The following GAL3ST2 variants were observed in gnomAD, a reference collection of about 807,000 sequenced individuals.
The protein encoded by GAL3ST2 is beta-galactose-3-O-sulfotransferase 2.
GAL3ST2 carries 16 observed loss-of-function variants against 12.9 expected under a neutral mutation model. The ratio of observed to expected loss-of-function variants is 1.24; its 90% CI spans 0.84 to 1.88. The LOEUF (loss-of-function observed/expected upper bound fraction) is 1.88, where lower values mean the gene tolerates loss of function less well. Ranked by LOEUF, GAL3ST2 falls within the 40% of genes most tolerant of loss-of-function variation. GAL3ST2 has a pLI of 0.00. For missense variants in GAL3ST2, 639 were observed against 571.8 expected, an observed-to-expected ratio of 1.12 and a Z score of -1.20; for synonymous variants, 302 against 273.9, an observed-to-expected ratio of 1.10 and a Z score of -1.01.
At position 241,802,145 on chromosome 2, in the gene GAL3ST2, G is replaced by A. The variant is rs906037491; in HGVS notation, c.375+109G>A. On this transcript the variant is annotated intron_variant, in intron 3 of 3. Transcript: ENST00000192314. This position sits in a 1 kb window ranked among gnomAD's most constrained non-coding sequence, Gnocchi z 4.8. ...GAGAAGGAGTGTAAGGCTTGGGGGC[G>A]GGGCGTGCAGAAGGCGGGTTGGGAG... The A allele has an allele frequency of 7.4e-6, 10 of 1,359,376 alleles. No homozygotes were observed. The South Asian group carries it at 1.4e-4, about 19-fold the overall frequency. 84.2% of individuals were successfully genotyped at this position (1,359,376 alleles called of 1,614,324 possible).
At position 241,801,937 on chromosome 2, in the gene GAL3ST2, G is replaced by T; in HGVS notation, c.276G>T (p.Leu92=). 6.2e-7 allele frequency: 1 copy of T among 1,613,010 alleles called. No homozygotes were observed. Among genetic ancestry groups the T allele is most frequent in the Non-Finnish European group, 8.5e-7 (1 of 1,179,942 alleles). Residue 92 remains leucine (L), a synonymous_variant, in exon 3 of 4, where the codon CTG becomes CTT. Transcript: ENST00000192314. The surrounding 1 kb of genome is among the most constrained non-coding windows in gnomAD (Gnocchi z 4.4). The stretch of plus-strand genomic sequence containing the variant: ...TGCCCGCCGGCTCACGCGTCCACCT[G>T]GGCTACCCCTGGCTCTTCCTGGCGC... ...VALPAGSRVH[L]GYPWLFLARY...
intron 1 of GAL3ST2, among the ~76,000 whole-genome samples, chr2:241,796,936 G>A (rs1460505177): frequency 1.3e-5 from 2 of 152,174 alleles, no homozygotes; most frequent in African/African-American, 4.8e-5. Flanking sequence ...AGGGGACTGC[G>A]GGGGGCTTGA....
Position 241,803,662 on chromosome 2 carries a change from C to G in GAL3ST2, c.693C>G (p.Asp231Glu). 1 of 1,549,382 alleles carries G rather than the reference C, an allele frequency of 6.5e-7. No individual in the cohort carries two copies. The highest frequency in any genetic ancestry group is 8.7e-7 in the Non-Finnish European group (1 of 1,146,194). The change falls in exon 4 of 4, where the codon GAC becomes GAG. Residue 231 changes from aspartate (D) to glutamate (E), a missense_variant. Asp to Glu is a conservative substitution (Grantham distance 45). Coordinates refer to ENST00000192314, the MANE Select transcript of GAL3ST2 (RefSeq NM_022134.3). ...TGGTGCTCATCGCCGAGCACCTGGACGAGTCCCTGGTGCTGCTGCGGCGCC... is the reference window on the plus strand; with the variant it reads ...TGGTGCTCATCGCCGAGCACCTGGAGGAGTCCCTGGTGCTGCTGCGGCGCC... ...FRLVLIAEHL[D>E]ESLVLLRRRL...
rs1699769253 is a variant in GAL3ST2 at position 241,796,115 on chromosome 2, G to T, written c.30-2950G>T. ...CAGTGTCTTCGAGACCCACACCCTTGGTGTGGAAGAAAGGAGACAAGATGT... is the reference window on the plus strand; with the variant it reads ...CAGTGTCTTCGAGACCCACACCCTTTGTGTGGAAGAAAGGAGACAAGATGT... On this transcript the variant is annotated intron_variant, in intron 1 of 3. Coordinates refer to ENST00000192314, the MANE Select transcript of GAL3ST2 (RefSeq NM_022134.3). 2.0e-5 allele frequency among the ~76,000 whole-genome samples: 3 copies of T among 152,304 alleles called. No individual in the cohort carries two copies. The South Asian group carries it at 6.2e-4, about 32-fold the overall frequency.
intron 1 of GAL3ST2, among the ~76,000 whole-genome samples, chr2:241,784,328 C>T (rs571067070): frequency 3.6e-4 from 55 of 152,218 alleles, no homozygotes; most frequent in Admixed American, 1.8e-3. Flanking sequence ...CCACCATGCC[C>T]GGCCTAAAGT....
chr2:241,783,094 T>C (rs1264577433), intron 1 of GAL3ST2, among the ~76,000 whole-genome samples: 1 of 151,638 alleles, frequency 6.6e-6, no homozygotes, highest in African/African-American at 2.4e-5. Context: ...GCCGAGATTG[T>C]GCCACTGCAC....
chr2:241,798,516 A>G (rs1305202736), intron 1 of GAL3ST2, among the ~76,000 whole-genome samples: 2 of 152,100 alleles, frequency 1.3e-5, no homozygotes, highest in Non-Finnish European at 2.9e-5. Flanking sequence ...GAAGGACACG[A>G]ATCCCATTAC....
rs1699726969 is a variant in GAL3ST2 at position 241,793,520 on chromosome 2, G to A, written c.30-5545G>A. ...TGTGTATGTGTGTGTATATGTATGT[G>A]TGTATTGTGTTTATATGTATGTGTG... On this transcript the variant is annotated intron_variant, in intron 1 of 3. Coordinates refer to ENST00000192314, the MANE Select transcript of GAL3ST2 (RefSeq NM_022134.3). This position sits in a 1 kb window ranked among gnomAD's most constrained non-coding sequence, Gnocchi z 4.7. 6.8e-6 allele frequency among the ~76,000 whole-genome samples: 1 copy of A among 146,644 alleles called. No individual in the cohort carries two copies. Among genetic ancestry groups the A allele is most frequent in the Non-Finnish European group, 1.5e-5 (1 of 67,678 alleles).
At chr2:241,794,142 C>T (rs1699741001) in intron 1 of GAL3ST2, among the ~76,000 whole-genome samples, 1 of 151,974 alleles carries the variant, frequency 6.6e-6, no homozygotes. Context: ...AGATGGGGGT[C>T]TCACTATACC....
rs1377724290 is a variant in GAL3ST2, at chr2:241,795,219, A to G, written c.30-3846A>G. ...CCCCTTCCCGGTTGCTCCAACACTG[A>G]CCACCCTACCTGACCCCTGCAGGTG... On this transcript the variant is annotated intron_variant, in intron 1 of 3. Coordinates refer to ENST00000192314, the MANE Select transcript of GAL3ST2 (RefSeq NM_022134.3). The surrounding 1 kb of genome is among the most constrained non-coding windows in gnomAD (Gnocchi z 4.5). 6.6e-6 allele frequency among the ~76,000 whole-genome samples: 1 copy of G among 152,096 alleles called. No homozygotes were observed. Among genetic ancestry groups the G allele is most frequent in the African/African-American group, 2.4e-5 (1 of 41,434 alleles).
At chr2:241,792,120 T>G (rs1398604594) in intron 1 of GAL3ST2, among the ~76,000 whole-genome samples, 1 of 151,488 alleles carries the variant, frequency 6.6e-6, no homozygotes, top group African/African-American at 2.4e-5. Context: ...TTCAAGCAAT[T>G]CTCCTCCCTC....
intron 1 of GAL3ST2, among the ~76,000 whole-genome samples, chr2:241,778,592 C>T (rs1009103889): frequency 3.3e-5 from 5 of 152,024 alleles, no homozygotes; most frequent in African/African-American, 9.7e-5. Context: ...GTCACCATGC[C>T]GGTGTGAACC....
Position 241,803,687 on chromosome 2 carries a change from C to G in GAL3ST2, c.718C>G (p.Arg240Gly). 1 of 1,546,354 alleles carries G rather than the reference C, an allele frequency of 6.5e-7. No individual in the cohort carries two copies. The highest frequency in any genetic ancestry group is 8.7e-7 in the Non-Finnish European group (1 of 1,144,852). ...LDESLVLLRR[R>G]LRWALDDVVA... Reference sequence around the variant, plus strand: ...CGAGTCCCTGGTGCTGCTGCGGCGCCGGCTGCGCTGGGCGCTGGACGACGT... The same window carrying G: ...CGAGTCCCTGGTGCTGCTGCGGCGCGGGCTGCGCTGGGCGCTGGACGACGT... Residue 240 changes from arginine (R) to glycine (G), a missense_variant, in exon 4 of 4, where the codon CGG becomes GGG. Physicochemically the swap from Arg to Gly is moderately radical, Grantham distance 125. Coordinates refer to ENST00000192314, the MANE Select transcript of GAL3ST2 (RefSeq NM_022134.3).
Position 241,801,726 on chromosome 2 carries a change from C to T in GAL3ST2, c.120-55C>T, listed in dbSNP as rs1289995614. The stretch of plus-strand genomic sequence containing the variant: ...TGCCGGGCTGGGGGTCGCTGTTGGG[C>T]GGGGGTTGGGGCATCTGCACCCTTG... On this transcript the variant is annotated intron_variant, in intron 2 of 3. Coordinates refer to ENST00000192314, the MANE Select transcript of GAL3ST2 (RefSeq NM_022134.3). The surrounding 1 kb of genome is among the most constrained non-coding windows in gnomAD (Gnocchi z 4.4). 131 of 1,545,020 alleles carry T rather than the reference C, an allele frequency of 8.5e-5. No homozygotes were observed. Among genetic ancestry groups the T allele is most frequent in the Non-Finnish European group, 1.0e-4 (121 of 1,152,664 alleles).
At chr2:241,797,336 A>G (rs1221059843) in intron 1 of GAL3ST2, among the ~76,000 whole-genome samples, 1 of 152,180 alleles carries the variant, frequency 6.6e-6, no homozygotes, top group African/African-American at 2.4e-5. Context: ...CAGATCTGGG[A>G]GAGCCGATGT....
In GAL3ST2 at chr2:241,801,918, C is replaced by T. The variant is rs1699855523; in HGVS notation, c.257C>T (p.Ala86Val). 6.2e-7 allele frequency: 1 copy of T among 1,612,878 alleles called. No homozygotes were observed. Among genetic ancestry groups the T allele is most frequent in the Non-Finnish European group, 8.5e-7 (1 of 1,179,956 alleles). Reference protein sequence around the residue: ...ETHNLSVALPAGSRVHLGYPW... With the variant: ...ETHNLSVALPVGSRVHLGYPW... ...CACAACCTGTCCGTGGCGCTGCCCG[C>T]CGGCTCACGCGTCCACCTGGGCTAC... Residue 86 changes from alanine to valine, a missense_variant, in exon 3 of 4, where the codon GCC becomes GTC. Transcript: ENST00000192314. This position sits in a 1 kb window ranked among gnomAD's most constrained non-coding sequence, Gnocchi z 4.4.
chr2:241,804,011 G>T lies in GAL3ST2; in HGVS notation c.1042G>T (p.Asp348Tyr). 1 of 1,566,844 alleles carries T rather than the reference G, an allele frequency of 6.4e-7. No individual in the cohort carries two copies. ...GCGCCCCTACCAGTCCGGCAAGGCC[G>T]ACATCCTGGGTTACAACCTCCGGCC... The part of the protein sequence containing the change: ...RLRPYQSGKA[D>Y]ILGYNLRPGL... Residue 348 changes from aspartate to tyrosine, a missense_variant, in exon 4 of 4, where the codon GAC becomes TAC. By Grantham distance (160) the Asp-to-Tyr change is radical (BLOSUM62 -3). Transcript: ENST00000192314.
rs915636637 is a variant in GAL3ST2 at position 241,802,330 on chromosome 2, G to A, written c.375+294G>A. On this transcript the variant is annotated intron_variant, in intron 3 of 3. Transcript: ENST00000192314. The surrounding 1 kb of genome is among the most constrained non-coding windows in gnomAD (Gnocchi z 4.8). ...TGGCCTCCTAGTTGTGCACAGGCCC[G>A]GCTCTCCCCACCCTGTGACCTTCGC... is the stretch of plus-strand genomic sequence containing the variant. Among the ~76,000 whole-genome samples, 1 of 152,178 alleles carries A rather than the reference G, an allele frequency of 6.6e-6. No individual in the cohort carries two copies. The highest frequency in any genetic ancestry group is 2.4e-5 in the African/African-American group (1 of 41,458).
chr2:241,804,012 A>G lies in GAL3ST2; in HGVS notation c.1043A>G (p.Asp348Gly). The change falls in exon 4 of 4, where the codon GAC (aspartate) becomes GGC (glycine). Residue 348 changes from aspartate (D) to glycine (G), a missense_variant. By Grantham distance (94) the Asp-to-Gly change is moderately conservative. Coordinates refer to ENST00000192314, the MANE Select transcript of GAL3ST2 (RefSeq NM_022134.3). Reference protein sequence around the residue: ...RLRPYQSGKADILGYNLRPGL... With the variant: ...RLRPYQSGKAGILGYNLRPGL... ...CGCCCCTACCAGTCCGGCAAGGCCG[A>G]CATCCTGGGTTACAACCTCCGGCCG... is the stretch of plus-strand genomic sequence containing the variant. 1.9e-6 allele frequency: 3 copies of G among 1,568,204 alleles called. No individual in the cohort carries two copies. Among genetic ancestry groups the G allele is most frequent in the South Asian group, 1.2e-5 (1 of 84,308 alleles).
Sources: gnomAD v4.1 joint callset for allele counts (sites outside exome capture counted in the v4.1 genomes callset) on GRCh38, gnomAD v4.1.1 for gene constraint, Gnocchi (gnomAD v3.1) non-coding constraint, MANE v1.5 for transcripts, NCBI Gene and HGNC (gene_info 2026-07-23, HGNC 2026-07-21) for gene names.